MYO1E: variants seen among roughly 807,000 people sequenced by gnomAD.
MYO1E encodes unconventional myosin-Ie.
Under a neutral mutation model 151.1 loss-of-function variants are expected in MYO1E, and 68 were observed. The ratio of observed to expected loss-of-function variants is 0.45; its 90% CI spans 0.37 to 0.55. The LOEUF (loss-of-function observed/expected upper bound fraction) is 0.55. Among genes scored for constraint, MYO1E ranks in the 20% least tolerant of loss-of-function variants. The pLI, the probability that MYO1E is intolerant of heterozygous loss-of-function variation, is 0.00. For missense variants in MYO1E, 1,363 were observed against 1,389.3 expected (o/e 0.98, Z 0.30); for synonymous variants, 601 against 501.7 (o/e 1.20, Z -2.64).
intron 1 of MYO1E, among the ~76,000 whole-genome samples, chr15:59,364,782 A>T (rs2080903925): frequency 1.3e-5 from 2 of 151,902 alleles, no homozygotes; most frequent in South Asian, 4.2e-4. Flanking sequence ...GTGTGTACCT[A>T]TAATCCCAGC....
At chr15:59,323,487 C>A (rs553849804) in intron 1 of MYO1E, among the ~76,000 whole-genome samples, 5 of 151,398 alleles carry the variant, frequency 3.3e-5, no homozygotes, top group Admixed American at 3.3e-4. Context: ...CCCGTCTCTA[C>A]TAAAAATACA....
At chr15:59,233,001 G>A (rs2080037660) in intron 5 of MYO1E, among the ~76,000 whole-genome samples, 1 of 152,104 alleles carries the variant, frequency 6.6e-6, no homozygotes, top group African/African-American at 2.4e-5. Flanking sequence ...TCAAAGCTTA[G>A]AAACATACTC....
intron 6 of MYO1E, 53 bp from the exon 7 acceptor site, chr15:59,227,643 C>A: frequency 6.2e-7 from 1 of 1,600,294 alleles, no homozygotes; most frequent in Non-Finnish European, 8.6e-7. Flanking sequence ...AACATGATGT[C>A]CCAAACAGGC....
chr15:59,156,387 G>A (rs1224214615), intron 25 of MYO1E, among the ~76,000 whole-genome samples: 9 of 152,186 alleles, frequency 5.9e-5, no homozygotes, highest in Non-Finnish European at 1.5e-5. Flanking sequence ...GTTTTGTCAT[G>A]TTGGCTAGGC....
At chr15:59,295,765 T>C (rs1162747133) in intron 1 of MYO1E, among the ~76,000 whole-genome samples, 2 of 152,126 alleles carry the variant, frequency 1.3e-5, no homozygotes, top group African/African-American at 4.8e-5. Context: ...CCCTCCTGCT[T>C]TGGAGGACCC....
At chr15:59,202,090 C>T (rs988802624) in intron 16 of MYO1E, among the ~76,000 whole-genome samples, 10 of 152,216 alleles carry the variant, frequency 6.6e-5, no homozygotes, top group Non-Finnish European at 1.3e-4. Context: ...TGATTATCAT[C>T]TGCTGACTAT....
In MYO1E at chr15:59,318,410, C is replaced by G. The variant is rs940977429; in HGVS notation, c.4-45961G>C. 2.6e-5 allele frequency among the ~76,000 whole-genome samples: 4 copies of G among 152,272 alleles called. No homozygotes were observed. In the East Asian group the frequency reaches 7.7e-4, roughly 29 times the overall value. On this transcript the variant is annotated intron_variant, in intron 1 of 27. Coordinates refer to ENST00000288235, the MANE Select transcript of MYO1E (RefSeq NM_004998.4). ...TTCCCACCACACTGTCCTGGAAATG[C>G]TAGACACAACAAACTAGGTAGTGGT... is the stretch of plus-strand genomic sequence containing the variant.
chr15:59,262,220 A>T (rs1055484013), intron 2 of MYO1E, among the ~76,000 whole-genome samples: 3 of 146,978 alleles, frequency 2.0e-5, no homozygotes, highest in African/African-American at 7.9e-5. Context: ...AAAAAAAAAT[A>T]AAAAAAAATA....
intron 4 of MYO1E, 77 bp from the exon 5 acceptor site, chr15:59,236,749 A>AAAACAAAC (rs560408029): frequency 1.5e-6 from 2 of 1,299,632 alleles, no homozygotes; most frequent in Non-Finnish European, 2.2e-6. Context: ...CCCATCACAC[A>AAAACAAAC]AAACAAACAA....
chr15:59,268,743 C>CTTTTTTTTTTTTTTTTTTTTTTTTTTTT (rs1382117808), intron 2 of MYO1E, among the ~76,000 whole-genome samples: 1 of 9,818 alleles, frequency 1.0e-4, no homozygotes, highest in Non-Finnish European at 3.1e-4. Context: ...TTTTTTTTTG[C>CTTTTTTTTTTTTTTTTTTTTTTTTTTTT]TTCACTGCAT....
intron 4 of MYO1E, among the ~76,000 whole-genome samples, chr15:59,237,787 C>A (rs749826745): frequency 6.6e-6 from 1 of 152,190 alleles, no homozygotes; most frequent in Non-Finnish European, 1.5e-5. Flanking sequence ...GGTGACACTC[C>A]TATTCCCAAA....
At chr15:59,250,747 T>C (rs1458924864) in intron 4 of MYO1E, among the ~76,000 whole-genome samples, 1 of 152,118 alleles carries the variant, frequency 6.6e-6, no homozygotes, top group East Asian at 1.9e-4. Flanking sequence ...AACCTGGAGT[T>C]TGGCCCAACT....
At chr15:59,322,333 T>C (rs2080632232) in intron 1 of MYO1E, among the ~76,000 whole-genome samples, 1 of 152,144 alleles carries the variant, frequency 6.6e-6, no homozygotes, top group South Asian at 2.1e-4. Context: ...AAAGATAATG[T>C]GTTTTGTGTC....
At chr15:59,204,919 C>T (rs1374887997) in intron 15 of MYO1E, among the ~76,000 whole-genome samples, 1 of 152,180 alleles carries the variant, frequency 6.6e-6, no homozygotes, top group African/African-American at 2.4e-5. Context: ...AGCCAGTGGG[C>T]TTATTTCTCC....
At chr15:59,264,017 A>G (rs1360090116) in intron 2 of MYO1E, among the ~76,000 whole-genome samples, 2 of 152,190 alleles carry the variant, frequency 1.3e-5, no homozygotes, top group Non-Finnish European at 2.9e-5. Context: ...TTAGCACCAA[A>G]TAACAACCTA....
chr15:59,285,350 C>CTTTTT (rs368001329), intron 1 of MYO1E, among the ~76,000 whole-genome samples: 30 of 74,090 alleles, frequency 4.0e-4, no homozygotes, highest in Non-Finnish European at 5.8e-4. Context: ...GACACTGTCT[C>CTTTTT]TTTTTTTTTT....
intron 1 of MYO1E, among the ~76,000 whole-genome samples, chr15:59,320,807 C>A (rs144191711): frequency 1.3e-5 from 2 of 152,190 alleles, no homozygotes; most frequent in Non-Finnish European, 2.9e-5. Context: ...CTCAAAACAA[C>A]TGCAACAAAA....
intron 1 of MYO1E, among the ~76,000 whole-genome samples, chr15:59,283,788 G>A (rs76757759): frequency 0.016 from 2,492 of 152,216 alleles, 57 homozygotes; most frequent in African/African-American, 0.055. Flanking sequence ...TCAGATCTTT[G>A]CCCTTAAACA....
intron 1 of MYO1E, among the ~76,000 whole-genome samples, chr15:59,349,366 T>A (rs1821447573): frequency 6.6e-6 from 1 of 152,166 alleles, no homozygotes; most frequent in Non-Finnish European, 1.5e-5. Context: ...AGGCTGTGAT[T>A]CCTCTAGCTC....
Sources: allele counts gnomAD v4.1 joint callset (sites outside exome capture counted in the v4.1 genomes callset), GRCh38; gene constraint gnomAD v4.1.1; transcripts MANE v1.5; gene names NCBI Gene and HGNC (gene_info 2026-07-23, HGNC 2026-07-21).